CHL1: variants seen among roughly 807,000 people sequenced by gnomAD.
The protein encoded by CHL1 is neural cell adhesion molecule L1-like protein.
In CHL1, 96 loss-of-function variants were observed where a neutral mutation model predicts 141.9. The observed-to-expected ratio is 0.68, with a 90% CI of 0.57 to 0.80. The LOEUF is 0.80. Among genes scored for constraint, CHL1 ranks in the 30% least tolerant of loss-of-function variants. The pLI is 0.00. For synonymous variants in CHL1, 613 were observed against 502.2 expected, an observed-to-expected ratio of 1.22 and a Z score of -2.95; for missense variants, 1,820 against 1,457.2, an observed-to-expected ratio of 1.25 and a Z score of -4.05.
Position 399,157 on chromosome 3 carries a change from G to A in CHL1, c.3385+9G>A, listed in dbSNP as rs770125553. ...AGGTGGAAAGTACTCAGGTAAAATT[G>A]TTTCTTAATGTGATTTTCAACTTAT... On this transcript the variant is annotated intron_variant, in intron 26 of 27. Coordinates refer to ENST00000256509, the MANE Select transcript of CHL1 (RefSeq NM_006614.4). The A allele has an allele frequency of 1.2e-6, 2 of 1,601,162 alleles. No homozygotes were observed. Among genetic ancestry groups the A allele is most frequent in the African/African-American group, 1.3e-5 (1 of 74,720 alleles).
At chr3:352,334 A>G (rs1327960655) in intron 10 of CHL1, among the ~76,000 whole-genome samples, 3 of 152,174 alleles carry the variant, frequency 2.0e-5, no homozygotes, top group African/African-American at 4.8e-5. Flanking sequence ...CCAGTGTTGT[A>G]TGTTCTATAG....
intron 2 of CHL1, among the ~76,000 whole-genome samples, chr3:268,516 C>G (rs991664716): frequency 6.6e-6 from 1 of 152,020 alleles, no homozygotes; most frequent in Non-Finnish European, 1.5e-5. Context: ...GCCTGGGTGA[C>G]AGAGCGGGAC....
chr3:292,466 T>A (rs1348200326), intron 2 of CHL1, among the ~76,000 whole-genome samples: 3 of 152,214 alleles, frequency 2.0e-5, no homozygotes, highest in Non-Finnish European at 4.4e-5. Context: ...TTGGAAACAG[T>A]GTCTACAAGA....
At chr3:320,848 G>T (rs145087698) in intron 3 of CHL1, among the ~76,000 whole-genome samples, 2 of 151,938 alleles carry the variant, frequency 1.3e-5, no homozygotes, top group Non-Finnish European at 2.9e-5. Context: ...ATTTTTATCC[G>T]TATCATTCAG....
At chr3:359,234 T>C (rs1055990762) in intron 11 of CHL1, among the ~76,000 whole-genome samples, 1 of 151,946 alleles carries the variant, frequency 6.6e-6, no homozygotes, top group African/African-American at 2.4e-5. Flanking sequence ...ATCATGCATG[T>C]GCCACATCCA....
chr3:385,339 T>C (rs1417820192), intron 19 of CHL1, among the ~76,000 whole-genome samples: 2 of 152,178 alleles, frequency 1.3e-5, no homozygotes, highest in African/African-American at 4.8e-5. Context: ...CAGTCTTATA[T>C]GTCATAAAGA....
In CHL1 at chr3:390,785, A is replaced by G. The variant is rs1708155216; in HGVS notation, c.2555A>G (p.Asp852Gly). ...VKVTWSTVPK[D>G]RVHGRLKGYQ... The stretch of plus-strand genomic sequence containing the variant: ...GTTACCTGGTCAACAGTTCCAAAGG[A>G]CAGAGTACATGGACGTCTGAAAGGC... The change falls in exon 21 of 28, where the codon GAC (aspartate) becomes GGC (glycine). Residue 852 changes from aspartate to glycine, a missense_variant. Physicochemically the swap from Asp to Gly is moderately conservative, Grantham distance 94. Transcript: ENST00000256509. The G allele has an allele frequency of 9.3e-6, 15 of 1,610,900 alleles. No individual in the cohort carries two copies. The highest frequency in any genetic ancestry group is 1.1e-5 in the Non-Finnish European group (13 of 1,177,044).
chr3:392,327 C>T (rs1438003792), intron 23 of CHL1, among the ~76,000 whole-genome samples: 1 of 152,188 alleles, frequency 6.6e-6, no homozygotes, highest in Non-Finnish European at 1.5e-5. Flanking sequence ...AGACTCAATC[C>T]TAAATATGCT....
chr3:330,517 A>C (rs890545750), intron 5 of CHL1, among the ~76,000 whole-genome samples: 5 of 152,132 alleles, frequency 3.3e-5, no homozygotes, highest in African/African-American at 1.2e-4. Flanking sequence ...TAAATTCAAC[A>C]ATGTGGTATG....
At chr3:270,264 G>GA (rs955886459) in intron 2 of CHL1, among the ~76,000 whole-genome samples, 5 of 151,764 alleles carry the variant, frequency 3.3e-5, no homozygotes, top group African/African-American at 7.3e-5. Flanking sequence ...TGTGTTTGAA[G>GA]AAAAAAAATG....
At chr3:351,251 A>G (rs533832511) in intron 10 of CHL1, among the ~76,000 whole-genome samples, 4 of 152,238 alleles carry the variant, frequency 2.6e-5, no homozygotes, top group Non-Finnish European at 5.9e-5. Flanking sequence ...CCAAAGGAAT[A>G]TAGATTTCCT....
At chr3:334,023 C>G (rs1018310948) in intron 5 of CHL1, among the ~76,000 whole-genome samples, 1 of 152,126 alleles carries the variant, frequency 6.6e-6, no homozygotes, top group Non-Finnish European at 1.5e-5. Flanking sequence ...GTGGTACAAA[C>G]ATGGCTCACT....
intron 3 of CHL1, among the ~76,000 whole-genome samples, chr3:322,843 A>G (rs1420211865): frequency 6.6e-6 from 1 of 151,110 alleles, no homozygotes; most frequent in Non-Finnish European, 1.5e-5. Context: ...ATTTACTGGT[A>G]GTCAGGTGAT....
At chr3:303,132 T>G (rs2124918815) in intron 2 of CHL1, among the ~76,000 whole-genome samples, 1 of 152,300 alleles carries the variant, frequency 6.6e-6, no homozygotes, top group African/African-American at 2.4e-5. Flanking sequence ...CCATGCTGTT[T>G]TGGTTACTGT....
chr3:403,099 G>A (rs1431711314), intron 27 of CHL1, among the ~76,000 whole-genome samples: 1 of 152,176 alleles, frequency 6.6e-6, no homozygotes, highest in Non-Finnish European at 1.5e-5. Context: ...TCGTGTGGCT[G>A]TTGGCAGGAT....
At position 354,695 on chromosome 3, in the gene CHL1, T is replaced by A. The variant is rs755307388; in HGVS notation, c.1089T>A (p.Asn363Lys). The A allele has an allele frequency of 1.2e-6, 2 of 1,613,852 alleles. No individual in the cohort carries two copies. Among genetic ancestry groups the A allele is most frequent in the African/African-American group, 2.7e-5 (2 of 74,896 alleles). ...PQSAVYSTGS[N>K]GILLCEAEGE... ...GTGCTGTGTATAGCACCGGAAGCAA[T>A]GGCATCTTGTTATGTGAGGCTGAAG... Residue 363 changes from asparagine to lysine, a missense_variant, in exon 11 of 28, where the codon AAT (asparagine) becomes AAA (lysine). Coordinates refer to ENST00000256509, the MANE Select transcript of CHL1 (RefSeq NM_006614.4).
At chr3:277,854 T>G (rs1295807493) in intron 2 of CHL1, among the ~76,000 whole-genome samples, 1 of 152,230 alleles carries the variant, frequency 6.6e-6, no homozygotes. Flanking sequence ...GATGCAAATA[T>G]TTTGCTTTGC....
At chr3:309,204 G>A (rs529546624) in intron 2 of CHL1, 3 of 152,734 alleles carry the variant, frequency 2.0e-5, no homozygotes, top group African/African-American at 7.2e-5. Context: ...GATGCGGCGA[G>A]GGCCCGCCTT....
chr3:394,739 A>G lies in CHL1; in HGVS notation c.2961A>G (p.Thr987=), dbSNP rs764205036. ...GAGAATTAAATGATATTAACATTACAACTCCATCAAAGCCCAGCTGGCACC... is the reference window on the plus strand; with the variant it reads ...GAGAATTAAATGATATTAACATTACGACTCCATCAAAGCCCAGCTGGCACC... ...EIGELNDINI[T]TPSKPSWHLS... Residue 987 remains threonine, a synonymous_variant, in exon 24 of 28, where the codon ACA becomes ACG. Transcript: ENST00000256509. 6.8e-6 allele frequency: 11 copies of G among 1,613,832 alleles called. No homozygotes were observed. The highest frequency in any genetic ancestry group is 9.3e-6 in the Non-Finnish European group (11 of 1,179,802).
Sources: allele counts gnomAD v4.1 joint callset (sites outside exome capture counted in the v4.1 genomes callset), GRCh38; gene constraint gnomAD v4.1.1; transcripts MANE v1.5; gene names NCBI Gene and HGNC (gene_info 2026-07-23, HGNC 2026-07-21).